Variants in ERBIN observed in about 807,000 individuals in gnomAD.
The protein encoded by ERBIN is densin-180-like protein.
A neutral mutation model predicts 158.4 loss-of-function variants in ERBIN; 60 were observed. The ratio of observed to expected loss-of-function variants is 0.38; its 90% CI spans 0.31 to 0.47. ERBIN has a LOEUF of 0.47. Among genes scored for constraint, ERBIN ranks in the 20% least tolerant of loss-of-function variants. The pLI, the probability that ERBIN is intolerant of heterozygous loss-of-function variation, is 0.99. For synonymous variants in ERBIN, 594 were observed against 557.2 expected (o/e 1.07, Z -0.93); for missense variants, 1,610 against 1,648.0 (o/e 0.98, Z 0.40).
intron 8 of ERBIN, among the ~76,000 whole-genome samples, chr5:66,022,475 A>G (rs2151142823): frequency 6.6e-6 from 1 of 152,342 alleles, no homozygotes; most frequent in African/African-American, 2.4e-5. Flanking sequence ...TTATATGTTA[A>G]CAGTAAATCT....
Position 66,078,677 on chromosome 5 carries a change from G to A in ERBIN, c.*147G>A, listed in dbSNP as rs368245583. The A allele has an allele frequency of 9.0e-5, 56 of 623,876 alleles. No homozygotes were observed. Among genetic ancestry groups the A allele is most frequent in the East Asian group, 8.9e-4 (31 of 34,994 alleles). The allele number at this position is 623,876 out of a possible 1,614,324, so 38.6% of individuals were successfully genotyped here. Reference sequence around the variant, plus strand: ...GTACATTAATGAAATAATGGAACTTGTGGTTAGAGGGAAAGAACCACTGTA... The same window carrying A: ...GTACATTAATGAAATAATGGAACTTATGGTTAGAGGGAAAGAACCACTGTA... On this transcript the variant is annotated 3_prime_UTR_variant, in exon 26 of 26. Transcript: ENST00000284037.
chr5:66,067,394 C>A (rs1476892548), intron 21 of ERBIN, among the ~76,000 whole-genome samples: 1 of 152,136 alleles, frequency 6.6e-6, no homozygotes, highest in East Asian at 1.9e-4. Context: ...TAATAACAAG[C>A]CATGCTCAAA....
intron 1 of ERBIN, among the ~76,000 whole-genome samples, chr5:65,931,819 C>CT (rs36048820): frequency 0.3 from 38,942 of 131,866 alleles, 6,938 homozygotes; most frequent in Non-Finnish European, 0.42. Flanking sequence ...TCTTTTCTTT[C>CT]TTTTTTTTTT....
At chr5:66,070,067 G>A (rs116541338) in intron 21 of ERBIN, among the ~76,000 whole-genome samples, 3,200 of 151,668 alleles carry the variant, frequency 0.021, 117 homozygotes, top group African/African-American at 0.072. Context: ...ATTTTGAGGC[G>A]GGGTTTTGTT....
At chr5:66,062,711 G>C (rs1428142082) in intron 21 of ERBIN, among the ~76,000 whole-genome samples, 1 of 152,076 alleles carries the variant, frequency 6.6e-6, no homozygotes, top group African/African-American at 2.4e-5. Context: ...TGTACAGATG[G>C]GTTTTTGGTG....
chr5:66,073,480 A>G (rs1561459153), intron 22 of ERBIN, among the ~76,000 whole-genome samples: 1 of 152,164 alleles, frequency 6.6e-6, no homozygotes, highest in Non-Finnish European at 1.5e-5. Flanking sequence ...TGTCAGTAAC[A>G]TCCTTGTGTC....
intron 1 of ERBIN, among the ~76,000 whole-genome samples, chr5:65,943,935 C>T (rs1400572690): frequency 6.6e-6 from 1 of 152,192 alleles, no homozygotes; most frequent in Non-Finnish European, 1.5e-5. Flanking sequence ...AGTCACTTAG[C>T]ATATTGTCCT....
At chr5:66,032,449 CAT>C (rs1304643526) in intron 14 of ERBIN, among the ~76,000 whole-genome samples, 2 of 152,200 alleles carry the variant, frequency 1.3e-5, no homozygotes. Context: ...ATGAGAACAA[CAT>C]GTATAAGTTG....
chr5:65,959,007 A>G (rs1278568989), intron 1 of ERBIN, among the ~76,000 whole-genome samples: 2 of 152,212 alleles, frequency 1.3e-5, no homozygotes, highest in African/African-American at 2.4e-5. Flanking sequence ...ATTATAAGAC[A>G]AGGAGCATCT....
chr5:66,025,911 T>C lies in ERBIN; in HGVS notation c.954T>C (p.Ile318=), dbSNP rs1198865954. 3.1e-6 allele frequency: 5 copies of C among 1,594,530 alleles called. No individual in the cohort carries two copies. The highest frequency in any genetic ancestry group is 2.6e-6 in the Non-Finnish European group (3 of 1,170,124). The part of the protein sequence containing the change: ...FNEVEALPSS[I]GQLTNLRTFA... ...AAGTTGAAGCTTTGCCTTCATCTAT[T>C]GGGCAGCTTACTAACTTAAGAACTT... is the stretch of plus-strand genomic sequence containing the variant. The change falls in exon 12 of 26, where the codon ATT becomes ATC. Residue 318 remains isoleucine (I), a synonymous_variant. Transcript: ENST00000284037.
Position 66,072,212 on chromosome 5 carries a change from G to T in ERBIN, c.3677G>T (p.Gly1226Val). ...TSSSGDPCQD[G>V]IFISGQQNYS... is the part of the protein sequence containing the mutation. ...AGTTCAGGAGATCCTTGTCAAGATG[G>T]TATATTCATTTCAGGACAGCAGAAC... Residue 1226 changes from glycine (G) to valine (V), a missense_variant, in exon 22 of 26, where the codon GGT (glycine) becomes GTT (valine). Coordinates refer to ENST00000284037, the MANE Select transcript of ERBIN (RefSeq NM_001253697.2). 1 of 1,550,338 alleles carries T rather than the reference G, an allele frequency of 6.5e-7. No individual in the cohort carries two copies. The highest frequency in any genetic ancestry group is 8.7e-7 in the Non-Finnish European group (1 of 1,146,846).
At chr5:66,023,071 C>T in intron 8 of ERBIN, 1 of 399,678 alleles carries the variant, frequency 2.5e-6, no homozygotes, top group Non-Finnish European at 4.4e-6. Context: ...TTTGATTTCT[C>T]CATTAATAAT....
intron 4 of ERBIN, among the ~76,000 whole-genome samples, chr5:66,004,406 G>A (rs771096540): frequency 1.6e-4 from 24 of 152,072 alleles, no homozygotes; most frequent in Non-Finnish European, 2.6e-4. Flanking sequence ...GCGTGCGTGT[G>A]TGTATGTGTG....
chr5:66,053,541 A>C lies in ERBIN; in HGVS notation c.2223A>C (p.Leu741Phe). The C allele has an allele frequency of 1.2e-6, 2 of 1,611,300 alleles. No homozygotes were observed. The highest frequency in any genetic ancestry group is 8.5e-7 in the Non-Finnish European group (1 of 1,179,254). The change falls in exon 21 of 26, where the codon TTA (leucine) becomes TTC (phenylalanine). Residue 741 changes from leucine to phenylalanine, a missense_variant. This residue lies in a region of ERBIN where 1,014 missense variants were observed against 936.1 expected (regional missense o/e 1.08). Coordinates refer to ENST00000284037, the MANE Select transcript of ERBIN (RefSeq NM_001253697.2). The part of the protein sequence containing the change: ...PEYDLNVEER[L>F]VLIEKSVDST... ...ATGATTTGAATGTTGAAGAGCGATT[A>C]GTTCTAATTGAGAAAAGTGTTGACT...
intron 22 of ERBIN, 29 bp downstream of exon 22, chr5:66,072,320 A>C (rs904037701): frequency 3.2e-6 from 5 of 1,546,666 alleles, no homozygotes; most frequent in Non-Finnish European, 4.4e-6. Context: ...AAAATGTAGT[A>C]TCTGTGAGCT....
intron 5 of ERBIN, among the ~76,000 whole-genome samples, chr5:66,012,405 C>CT (rs1754299778): frequency 6.6e-6 from 1 of 152,196 alleles, no homozygotes; most frequent in South Asian, 2.1e-4. Flanking sequence ...TTTCCTCACT[C>CT]TGTGTTATTT....
chr5:66,044,937 G>A (rs1318534474), intron 17 of ERBIN, among the ~76,000 whole-genome samples: 1 of 152,068 alleles, frequency 6.6e-6, no homozygotes, highest in African/African-American at 2.4e-5. Flanking sequence ...AAAATTAGCT[G>A]GGCTTGGTGA....
At chr5:66,017,967 C>T (rs143484545) in intron 7 of ERBIN, among the ~76,000 whole-genome samples, 83 of 152,078 alleles carry the variant, frequency 5.5e-4, no homozygotes, top group African/African-American at 1.8e-3. Flanking sequence ...ATCTTCTTGG[C>T]GCCTTTTTCT....
At position 66,054,529 on chromosome 5, in the gene ERBIN, C is replaced by G. The variant is rs1037160355; in HGVS notation, c.3211C>G (p.Arg1071Gly). 3 of 1,614,146 alleles carry G rather than the reference C, an allele frequency of 1.9e-6. No individual in the cohort carries two copies. Among genetic ancestry groups the G allele is most frequent in the Non-Finnish European group, 2.5e-6 (3 of 1,180,022 alleles). ...CGACCGACTTATTCCTGCAGTAACT[C>G]GAAGTACAATCCAGCGACAAAGTAG... ...PNDRLIPAVTRSTIQRQSSVS... is the reference protein window; with the variant it reads ...PNDRLIPAVTGSTIQRQSSVS... The change falls in exon 21 of 26, where the codon CGA becomes GGA. Residue 1071 changes from arginine to glycine, a missense_variant. By Grantham distance (125) the Arg-to-Gly change is moderately radical. Transcript: ENST00000284037.
Sources: gnomAD v4.1 joint callset for allele counts (sites outside exome capture counted in the v4.1 genomes callset) on GRCh38, gnomAD v4.1.1 for gene constraint, gnomAD v4.1.1 regional missense constraint, MANE v1.5 for transcripts, NCBI Gene and HGNC (gene_info 2026-07-23, HGNC 2026-07-21) for gene names.